RBFOX1: variants seen among roughly 807,000 people sequenced by gnomAD.
RBFOX1 encodes RNA binding fox-1 homolog 1, also known as RNA binding protein fox-1 homolog 1.
In RBFOX1, 8 loss-of-function variants were observed where a neutral mutation model predicts 57.7. That is an observed-to-expected ratio of 0.14 (90% CI 0.08 to 0.25). The LOEUF (loss-of-function observed/expected upper bound fraction) is 0.25. RBFOX1 is among the 10% of genes least tolerant of loss of function. The probability of loss-of-function intolerance (pLI) is 1.00; values close to 1 mark genes in which losing one functional copy is unlikely to be tolerated. For missense variants in RBFOX1, 611 were observed against 548.5 expected (o/e 1.11, Z -1.14); for synonymous variants, 326 against 222.4 (o/e 1.47, Z -4.15).
intron 1 of RBFOX1, among the ~76,000 whole-genome samples, chr16:5,284,813 C>T (rs1470378710): frequency 8.4e-6 from 1 of 119,176 alleles, no homozygotes; most frequent in Non-Finnish European, 1.7e-5. Context: ...TTTCTCATAG[C>T]CTGTCTGCTG....
chr16:6,981,091 T>G (rs946221345), intron 3 of RBFOX1, among the ~76,000 whole-genome samples: 1 of 144,178 alleles, frequency 6.9e-6, no homozygotes, highest in Admixed American at 6.8e-5. Flanking sequence ...TGAGATCCAG[T>G]ACTTTTCCAA....
intron 5 of RBFOX1, among the ~76,000 whole-genome samples, chr16:7,552,124 C>T (rs758731626): frequency 1.3e-5 from 2 of 152,160 alleles, no homozygotes; most frequent in Non-Finnish European, 2.9e-5. Flanking sequence ...GTTTTTAATT[C>T]CCATGTTGGT....
At chr16:6,617,410 T>C (rs2098159340) in intron 2 of RBFOX1, among the ~76,000 whole-genome samples, 1 of 151,992 alleles carries the variant, frequency 6.6e-6, no homozygotes, top group African/African-American at 2.4e-5. Flanking sequence ...ATGACACTCA[T>C]GCAGAGGGAC....
intron 2 of RBFOX1, among the ~76,000 whole-genome samples, chr16:5,486,853 C>A (rs2042645545): frequency 6.6e-6 from 1 of 151,866 alleles, no homozygotes; most frequent in South Asian, 2.1e-4. Flanking sequence ...AGAATAAAAC[C>A]TGAGACTCCT....
intron 2 of RBFOX1, among the ~76,000 whole-genome samples, chr16:5,500,235 C>G (rs942277261): frequency 1.4e-5 from 2 of 146,684 alleles, no homozygotes; most frequent in African/African-American, 4.9e-5. Flanking sequence ...CCGTTCCATT[C>G]CATTCCATTC....
chr16:6,411,443 C>G (rs943635061), intron 2 of RBFOX1, among the ~76,000 whole-genome samples: 1 of 152,162 alleles, frequency 6.6e-6, no homozygotes, highest in Non-Finnish European at 1.5e-5. Flanking sequence ...CATCTATCTT[C>G]CAATACAATT....
At chr16:5,657,622 C>CTCTTTCTT (rs913576502) in intron 3 of RBFOX1, among the ~76,000 whole-genome samples, 9 of 102,998 alleles carry the variant, frequency 8.7e-5, no homozygotes, top group South Asian at 3.7e-4. Context: ...CTTTCTTTCT[C>CTCTTTCTT]TCTTTCTTTC....
chr16:6,010,647 G>A (rs1269901854), intron 4 of RBFOX1, among the ~76,000 whole-genome samples: 17 of 152,208 alleles, frequency 1.1e-4, no homozygotes, highest in Admixed American at 1.1e-3. Flanking sequence ...TAAAGCAATG[G>A]TGTAGAAGAA....
intron 3 of RBFOX1, among the ~76,000 whole-genome samples, chr16:7,041,475 G>A (rs115149423): frequency 1.3e-5 from 2 of 152,052 alleles, no homozygotes; most frequent in African/African-American, 4.8e-5. Context: ...ATTCTTCTCA[G>A]TTCTGGGTCT....
chr16:5,258,727 C>A (rs1393925407), intron 1 of RBFOX1, among the ~76,000 whole-genome samples: 1 of 152,086 alleles, frequency 6.6e-6, no homozygotes, highest in South Asian at 2.1e-4. Flanking sequence ...ACCATCCTGA[C>A]CAACATGGTG....
chr16:6,148,459 C>T (rs200629701), intron 1 of RBFOX1, among the ~76,000 whole-genome samples: 21 of 152,340 alleles, frequency 1.4e-4, no homozygotes, highest in African/African-American at 4.8e-4. Flanking sequence ...CCTCCTGGAA[C>T]ACTCATCCCC....
chr16:5,487,870 A>G (rs1597265918), intron 2 of RBFOX1, among the ~76,000 whole-genome samples: 1 of 151,912 alleles, frequency 6.6e-6, no homozygotes, highest in Non-Finnish European at 1.5e-5. Context: ...TGATGTTGAT[A>G]ATGATGGTGG....
At chr16:5,529,214 G>A (rs9922665) in intron 2 of RBFOX1, among the ~76,000 whole-genome samples, 61,378 of 151,850 alleles carry the variant, frequency 0.4, 14,667 homozygotes, top group East Asian at 0.85. Flanking sequence ...TTATTTACCT[G>A]CCTGAGGGTG....
At chr16:5,740,806 C>T (rs893523815) in intron 3 of RBFOX1, among the ~76,000 whole-genome samples, 4 of 152,124 alleles carry the variant, frequency 2.6e-5, no homozygotes, top group Non-Finnish European at 4.4e-5. Context: ...TTACTGTCCC[C>T]ATAGTTTTAG....
At chr16:7,113,815 G>T (rs1337379046) in intron 4 of RBFOX1, among the ~76,000 whole-genome samples, 1 of 152,054 alleles carries the variant, frequency 6.6e-6, no homozygotes, top group Non-Finnish European at 1.5e-5. Flanking sequence ...CTCCCGTGCT[G>T]ATGGACATTA....
chr16:6,584,785 A>G (rs943426119), intron 2 of RBFOX1, among the ~76,000 whole-genome samples: 2 of 152,152 alleles, frequency 1.3e-5, no homozygotes, highest in South Asian at 2.1e-4. Context: ...CCTGGCACCG[A>G]TCACTGAAGG....
chr16:6,733,062 C>G (rs1370588485), intron 3 of RBFOX1, among the ~76,000 whole-genome samples: 4 of 152,154 alleles, frequency 2.6e-5, no homozygotes, highest in Admixed American at 2.6e-4. Flanking sequence ...ACGTCAACAT[C>G]TAGGGCTCCC....
chr16:6,265,563 G>C (rs1383241912), intron 1 of RBFOX1, among the ~76,000 whole-genome samples: 3 of 152,154 alleles, frequency 2.0e-5, no homozygotes, highest in Non-Finnish European at 4.4e-5. Flanking sequence ...TGCCCGGCCA[G>C]TTTGACATTT....
chr16:7,615,331 T>C (rs2058262871), intron 10 of RBFOX1, among the ~76,000 whole-genome samples: 1 of 117,838 alleles, frequency 8.5e-6, no homozygotes. Flanking sequence ...AGACTCCATC[T>C]CAAAATAATA....
Sources: gnomAD v4.1 joint callset for allele counts (sites outside exome capture counted in the v4.1 genomes callset) on GRCh38, gnomAD v4.1.1 for gene constraint, MANE v1.5 for transcripts, NCBI Gene and HGNC (gene_info 2026-07-23, HGNC 2026-07-21) for gene names.